The following SUFU variants were observed in gnomAD, a reference collection of about 807,000 sequenced individuals.
SUFU encodes the protein SUFU negative regulator of hedgehog signaling, also known as suppressor of fused homolog.
A neutral mutation model predicts 58.9 loss-of-function variants in SUFU; 7 were observed. The ratio of observed to expected loss-of-function variants is 0.12; its 90% CI spans 0.07 to 0.22. The LOEUF (loss-of-function observed/expected upper bound fraction) is 0.22. Ranked by LOEUF, SUFU falls within the 10% of genes least tolerant of loss-of-function variation. The pLI, the probability that SUFU is intolerant of heterozygous loss-of-function variation, is 1.00. For missense variants in SUFU, 451 were observed against 641.3 expected (o/e 0.70, Z 3.20); for synonymous variants, 232 against 254.8 (o/e 0.91, Z 0.85).
At chr10:102,549,209 T>C (rs933812925) in intron 2 of SUFU, among the ~76,000 whole-genome samples, 1 of 152,136 alleles carries the variant, frequency 6.6e-6, no homozygotes, top group Non-Finnish European at 1.5e-5. Flanking sequence ...CACACTGATA[T>C]AAAGACATAC....
At position 102,505,941 on chromosome 10, in the gene SUFU, C is replaced by G. The variant is rs1024807804; in HGVS notation, c.182+1607C>G. 2.7e-5 allele frequency among the ~76,000 whole-genome samples: 4 copies of G among 149,120 alleles called. No homozygotes were observed. In the Admixed American group the frequency reaches 2.7e-4, roughly 10 times the overall value. On this transcript the variant is annotated intron_variant, in intron 1 of 11. Coordinates refer to ENST00000369902, the MANE Select transcript of SUFU (RefSeq NM_016169.4). ...CCTGGGCTGGGCACAGTGGCTCATG[C>G]ATGTATTCCCACCACTTTGGGAGGC...
upstream of SUFU, among the ~76,000 whole-genome samples, chr10:102,503,810 G>A (rs2135595691): frequency 6.6e-6 from 1 of 152,338 alleles, no homozygotes; most frequent in South Asian, 2.1e-4. Flanking sequence ...GAGACCAAGA[G>A]CCTTGGGACA....
chr10:102,534,492 C>CCTAGGAAGTCCCCTAGGGCCCCT (rs2062713114), intron 2 of SUFU, among the ~76,000 whole-genome samples: 1 of 152,222 alleles, frequency 6.6e-6, no homozygotes, highest in African/African-American at 2.4e-5. Flanking sequence ...CCCTAGGGGA[C>CCTAGGAAGTCCCCTAGGGCCCCT]AGGCGGAGGC....
At chr10:102,551,846 T>C (rs2062920505) in intron 3 of SUFU, among the ~76,000 whole-genome samples, 1 of 140,734 alleles carries the variant, frequency 7.1e-6, no homozygotes, top group South Asian at 2.6e-4. Flanking sequence ...TGCTTGAGCC[T>C]CCCGAGTAGC....
At chr10:102,593,783 T>C (rs2063431073) in intron 5 of SUFU, 62 bp downstream of exon 5, 1 of 1,527,730 alleles carries the variant, frequency 6.5e-7, no homozygotes. Context: ...GTCCCTCCAC[T>C]ACCCTCCATG....
chr10:102,563,112 C>T (rs2063055186), intron 3 of SUFU, among the ~76,000 whole-genome samples: 2 of 152,128 alleles, frequency 1.3e-5, no homozygotes, highest in South Asian at 2.1e-4. Flanking sequence ...CTGCGTGCTC[C>T]AGCCTCTCAG....
intron 3 of SUFU, among the ~76,000 whole-genome samples, chr10:102,592,262 CTG>C (rs1349082687): frequency 4.6e-5 from 7 of 152,210 alleles, no homozygotes; most frequent in African/African-American, 1.7e-4. Flanking sequence ...GTCATGGCTC[CTG>C]CCTCCCACCA....
chr10:102,551,002 C>T (rs2062908582), intron 3 of SUFU, among the ~76,000 whole-genome samples: 1 of 152,166 alleles, frequency 6.6e-6, no homozygotes, highest in Non-Finnish European at 1.5e-5. Context: ...CCTCGCCTCC[C>T]AAAGTGCTGG....
Position 102,569,094 on chromosome 10 carries a change from A to G in SUFU, c.454+18988A>G, listed in dbSNP as rs1010677607. Among the ~76,000 whole-genome samples the G allele has an allele frequency of 3.3e-5, 5 of 151,254 alleles. No homozygotes were observed. In the Admixed American group the frequency reaches 3.3e-4, roughly 10 times the overall value. On this transcript the variant is annotated intron_variant, in intron 3 of 11. Transcript: ENST00000369902. ...AGTTTTCCCTATTTTAAACAACACT[A>G]TAAGATTGTTGCCCATATATGAACA...
At chr10:102,554,530 C>T (rs532595709) in intron 3 of SUFU, among the ~76,000 whole-genome samples, 4 of 152,340 alleles carry the variant, frequency 2.6e-5, no homozygotes, top group South Asian at 4.1e-4. Context: ...ACCTCCCTTA[C>T]GTCTCCTTTT....
Position 102,504,093 on chromosome 10 carries a change from C to G in SUFU, c.-60C>G. The G allele has an allele frequency of 6.7e-7, 1 of 1,499,346 alleles. No homozygotes were observed. The highest frequency in any genetic ancestry group is 8.9e-7 in the Non-Finnish European group (1 of 1,129,714). The allele number at this position is 1,499,346 out of a possible 1,614,324, so 92.9% of individuals were successfully genotyped here. ...CCACCGAGTCCGCCCGCTGGCCCGT[C>G]AGTGCTCTCCCCGTCGTTTGCCCTC... On this transcript the variant is annotated 5_prime_UTR_variant, in exon 1 of 12. Coordinates refer to ENST00000369902, the MANE Select transcript of SUFU (RefSeq NM_016169.4).
intron 8 of SUFU, among the ~76,000 whole-genome samples, chr10:102,605,136 C>A (rs964443902): frequency 6.6e-6 from 1 of 151,868 alleles, no homozygotes; most frequent in African/African-American, 2.4e-5. Context: ...TCAGGCTGGT[C>A]TCGAACTCCT....
At chr10:102,519,152 AAAAG>A (rs1299493251) in intron 2 of SUFU, among the ~76,000 whole-genome samples, 29 of 150,672 alleles carry the variant, frequency 1.9e-4, no homozygotes, top group Admixed American at 1.1e-3. Flanking sequence ...AAAAAAAAAA[AAAAG>A]AAAGAGTCCT....
chr10:102,585,888 C>CTTTTTT (rs34024871), intron 3 of SUFU, among the ~76,000 whole-genome samples: 1 of 135,036 alleles, frequency 7.4e-6, no homozygotes. Flanking sequence ...ATTTGTATAT[C>CTTTTTT]TTTTTTTTTT....
chr10:102,558,211 AT>A (rs2063001116), intron 3 of SUFU, among the ~76,000 whole-genome samples: 1 of 151,990 alleles, frequency 6.6e-6, no homozygotes, highest in African/African-American at 2.4e-5. Flanking sequence ...CTGTTTTTTA[AT>A]TGATTTTTGA....
At chr10:102,543,854 T>C (rs941911072) in intron 2 of SUFU, among the ~76,000 whole-genome samples, 1 of 152,266 alleles carries the variant, frequency 6.6e-6, no homozygotes, top group African/African-American at 2.4e-5. Context: ...TTACTGTTAT[T>C]ATCCCCATTT....
intron 2 of SUFU, among the ~76,000 whole-genome samples, chr10:102,530,447 CT>C (rs34892390): frequency 0.37 from 41,583 of 112,592 alleles, 8,166 homozygotes; most frequent in African/African-American, 0.57. Context: ...TATTTTAAAT[CT>C]TTTTTTTTTT....
At chr10:102,606,571 G>A (rs923804607) in intron 8 of SUFU, among the ~76,000 whole-genome samples, 12 of 152,156 alleles carry the variant, frequency 7.9e-5, no homozygotes, top group African/African-American at 2.7e-4. Flanking sequence ...CTCTAGATCT[G>A]AGCCTCTTCA....
intron 2 of SUFU, among the ~76,000 whole-genome samples, chr10:102,534,358 C>T (rs551063918): frequency 2.0e-5 from 3 of 152,272 alleles, no homozygotes; most frequent in Admixed American, 6.5e-5. Flanking sequence ...ACCCGGGAAG[C>T]GGAGCTTGTG....
Sources: gnomAD v4.1 joint callset for allele counts (sites outside exome capture counted in the v4.1 genomes callset) on GRCh38, gnomAD v4.1.1 for gene constraint, MANE v1.5 for transcripts, NCBI Gene and HGNC (gene_info 2026-07-23, HGNC 2026-07-21) for gene names.